The following SEC24C variants were observed in gnomAD, a reference collection of about 807,000 sequenced individuals.
The protein encoded by SEC24C is protein transport protein Sec24C.
Under a neutral mutation model 117.0 loss-of-function variants are expected in SEC24C, and 22 were observed. That is an observed-to-expected ratio of 0.19 (90% CI 0.13 to 0.27). The LOEUF is 0.27. Ranked by LOEUF, SEC24C falls within the 10% of genes least tolerant of loss-of-function variation. The probability of loss-of-function intolerance (pLI) is 1.00; values close to 1 mark genes in which losing one functional copy is unlikely to be tolerated. For synonymous variants in SEC24C, 506 were observed against 529.4 expected (o/e 0.96, Z 0.61); for missense variants, 1,155 against 1,375.1 (o/e 0.84, Z 2.53).
intron 21 of SEC24C, 96 bp downstream of exon 21, chr10:73,770,567 T>C (rs1565051361): frequency 6.6e-7 from 1 of 1,524,420 alleles, no homozygotes. Context: ...CCCTCAAATA[T>C]CAGGGAACAC....
At chr10:73,750,272 T>A (rs1261502600) in intron 2 of SEC24C, among the ~76,000 whole-genome samples, 1 of 152,240 alleles carries the variant, frequency 6.6e-6, no homozygotes, top group African/African-American at 2.4e-5. Context: ...GGTTCTATAA[T>A]GTCTAATCTC....
At position 73,760,801 on chromosome 10, in the gene SEC24C, T is replaced by G; in HGVS notation, c.939T>G (p.Pro313=). The change falls in exon 6 of 23, where the codon CCT becomes CCG. Residue 313 remains proline, a synonymous_variant. Coordinates refer to ENST00000345254, the MANE Select transcript of SEC24C (RefSeq NM_198597.3). ...CCTTTGGCAGTCAGCCTGGGCCTCC[T>G]CAGCCACTGCCTCCTAAGCGCCTGG... ...APTFGSQPGP[P]QPLPPKRLDP... is the part of the protein sequence containing the mutation. 6.2e-7 allele frequency: 1 copy of G among 1,614,164 alleles called. No homozygotes were observed. The highest frequency in any genetic ancestry group is 8.5e-7 in the Non-Finnish European group (1 of 1,180,024).
intron 3 of SEC24C, among the ~76,000 whole-genome samples, chr10:73,758,990 G>C (rs764697436): frequency 7.2e-5 from 11 of 152,180 alleles, no homozygotes; most frequent in Non-Finnish European, 1.2e-4. Flanking sequence ...GAGCTCAGGA[G>C]TTTGAGACCA....
intron 8 of SEC24C, 90 bp downstream of exon 8, chr10:73,764,073 A>G (rs1054215051): frequency 6.9e-7 from 1 of 1,444,180 alleles, no homozygotes; most frequent in Non-Finnish European, 9.2e-7. Context: ...CCAGCTTCAC[A>G]ATGGAAGATA....
chr10:73,767,876 G>A lies in SEC24C; in HGVS notation c.2050G>A (p.Ala684Thr). 1 of 1,613,326 alleles carries A rather than the reference G, an allele frequency of 6.2e-7. No homozygotes were observed. Among genetic ancestry groups the A allele is most frequent in the South Asian group, 1.1e-5 (1 of 90,918 alleles). The change falls in exon 15 of 23, where the codon GCC becomes ACC. Residue 684 changes from alanine (A) to threonine (T), a missense_variant. By Grantham distance (58) the Ala-to-Thr change is moderately conservative (BLOSUM62 0). Coordinates refer to ENST00000345254, the MANE Select transcript of SEC24C (RefSeq NM_198597.3). ...TCAGACAGGTGCCTATCAGACCCTG[G>A]CCAAAGAGTGTGTGGCCCAAGGCTG... ...QPQTGAYQTL[A>T]KECVAQGCCV... is the part of the protein sequence containing the mutation.
chr10:73,753,610 A>G (rs1047235223), intron 3 of SEC24C, among the ~76,000 whole-genome samples: 66 of 152,276 alleles, frequency 4.3e-4, no homozygotes, highest in African/African-American at 1.3e-3. Context: ...TCGAGGCTAC[A>G]CTGAGTGTGA....
At chr10:73,746,365 G>C (rs1023851892) in intron 1 of SEC24C, among the ~76,000 whole-genome samples, 1 of 152,180 alleles carries the variant, frequency 6.6e-6, no homozygotes, top group Non-Finnish European at 1.5e-5. Context: ...TAAATCAATT[G>C]TTCAGCACAC....
intron 13 of SEC24C, 74 bp from the exon 14 acceptor site, chr10:73,766,980 C>A: frequency 2.9e-6 from 4 of 1,399,654 alleles, no homozygotes; most frequent in Non-Finnish European, 3.0e-6. Context: ...TCTGACATAG[C>A]TGGTGCTTAA....
chr10:73,763,796 G>A (rs2082836783), intron 7 of SEC24C, 60 bp from the exon 8 acceptor site: 1 of 1,558,084 alleles, frequency 6.4e-7, no homozygotes, highest in African/African-American at 1.4e-5. Flanking sequence ...ATCACCAATG[G>A]AGAGCTGGTG....
chr10:73,750,704 G>A (rs527932876), intron 2 of SEC24C, among the ~76,000 whole-genome samples: 1 of 152,312 alleles, frequency 6.6e-6, no homozygotes, highest in African/African-American at 2.4e-5. Context: ...ATATTACTTG[G>A]TCATCTTCTG....
At chr10:73,753,728 C>T (rs1389951109) in intron 3 of SEC24C, among the ~76,000 whole-genome samples, 1 of 152,216 alleles carries the variant, frequency 6.6e-6, no homozygotes, top group Admixed American at 6.5e-5. Context: ...GTTTTACCCA[C>T]AGGAAAAACA....
intron 6 of SEC24C, 51 bp downstream of exon 6, chr10:73,760,900 G>T: frequency 6.5e-7 from 1 of 1,530,246 alleles, no homozygotes; most frequent in South Asian, 1.2e-5. Flanking sequence ...CTGCCAGATA[G>T]GCAGGTCAAT....
intron 6 of SEC24C, 40 bp from the exon 7 acceptor site, chr10:73,763,450 C>A (rs1402854560): frequency 7.2e-7 from 1 of 1,396,014 alleles, no homozygotes; most frequent in African/African-American, 1.4e-5. Flanking sequence ...CTCACACTTC[C>A]TTTTTCTTCT....
intron 15 of SEC24C, 68 bp from the exon 16 acceptor site, chr10:73,768,742 C>A: frequency 1.4e-6 from 2 of 1,453,878 alleles, no homozygotes; most frequent in Non-Finnish European, 1.9e-6. Context: ...GGAAGGGGTA[C>A]AGGGAGATTG....
intron 12 of SEC24C, 65 bp from the exon 13 acceptor site, chr10:73,766,695 C>T (rs753700297): frequency 2.0e-5 from 30 of 1,501,116 alleles, no homozygotes; most frequent in South Asian, 2.3e-5. Context: ...TTCAGGGAAT[C>T]GAGAACTGAG....
chr10:73,764,095 C>A, intron 8 of SEC24C, 112 bp downstream of exon 8: 1 of 1,367,808 alleles, frequency 7.3e-7, no homozygotes, highest in Non-Finnish European at 9.8e-7. Context: ...TTTAGTTAGG[C>A]AGGAGAGGAG....
intron 13 of SEC24C, 38 bp downstream of exon 13, chr10:73,766,891 T>G (rs2082892650): frequency 6.4e-7 from 1 of 1,570,140 alleles, no homozygotes. Flanking sequence ...TCTAACTCCA[T>G]TTTCCTCTGA....
At position 73,767,831 on chromosome 10, in the gene SEC24C, C is replaced by G; in HGVS notation, c.2011-6C>G. 1 of 1,602,944 alleles carries G rather than the reference C, an allele frequency of 6.2e-7. No individual in the cohort carries two copies. The highest frequency in any genetic ancestry group is 8.5e-7 in the Non-Finnish European group (1 of 1,173,936). ...ATTTTCTTCTCCCCATTTTCTTTCC[C>G]CCTAGACTCTGTTCCAGCCTCAGAC... On this transcript the variant is annotated splice_region_variant and splice_polypyrimidine_tract_variant and intron_variant, in intron 14 of 22. Coordinates refer to ENST00000345254, the MANE Select transcript of SEC24C (RefSeq NM_198597.3).
At chr10:73,757,294 C>T (rs2082724320) in intron 3 of SEC24C, among the ~76,000 whole-genome samples, 1 of 144,700 alleles carries the variant, frequency 6.9e-6, no homozygotes, top group African/African-American at 2.5e-5. Context: ...GAGGCTGAGA[C>T]AGGAGGATCA....
Sources: gnomAD v4.1 joint callset for allele counts (sites outside exome capture counted in the v4.1 genomes callset) on GRCh38, gnomAD v4.1.1 for gene constraint, MANE v1.5 for transcripts, NCBI Gene and HGNC (gene_info 2026-07-23, HGNC 2026-07-21) for gene names.